Variants in SMARCAL1 observed in about 807,000 individuals in gnomAD.
SMARCAL1 encodes the protein ATP-driven annealing helicase.
In SMARCAL1, 58 loss-of-function variants were observed where a neutral mutation model predicts 94.5. The observed-to-expected ratio is 0.61, with a 90% CI of 0.50 to 0.76. The LOEUF (loss-of-function observed/expected upper bound fraction) is 0.76, where lower values mean the gene tolerates loss of function less well. SMARCAL1 is among the 30% of genes least tolerant of loss of function. SMARCAL1 has a pLI of 0.00. For missense variants in SMARCAL1, 1,051 were observed against 1,177.9 expected, an observed-to-expected ratio of 0.89 and a Z score of 1.58; for synonymous variants, 422 against 455.1, an observed-to-expected ratio of 0.93 and a Z score of 0.93.
chr2:216,459,395 G>T (rs7421080), intron 12 of SMARCAL1, among the ~76,000 whole-genome samples: 62,654 of 151,864 alleles, frequency 0.41, 14,437 homozygotes, highest in African/African-American at 0.63. Context: ...TAAGCCAAAA[G>T]AACAAAGCTG....
rs768898834 is a variant in SMARCAL1 at position 216,416,278 on chromosome 2, A to G, written c.833A>G (p.Asn278Ser). ...TCAGATCCTGACACCAAGACGTGGA[A>G]CTTCAGCATGAATGACTATAGTGCC... Reference protein sequence around the residue: ...KNYDPDTKTWNFSMNDYSALM... With the variant: ...KNYDPDTKTWSFSMNDYSALM... Residue 278 changes from asparagine to serine, a missense_variant, in exon 4 of 18, where the codon AAC becomes AGC. Physicochemically the swap from Asn to Ser is conservative, Grantham distance 46 (BLOSUM62 1). This residue lies in a region of SMARCAL1 where 398 missense variants were observed against 395.2 expected (regional missense o/e 1.01). Coordinates refer to ENST00000357276, the MANE Select transcript of SMARCAL1 (RefSeq NM_014140.4). 1 of 1,613,838 alleles carries G rather than the reference A, an allele frequency of 6.2e-7. No homozygotes were observed. The highest frequency in any genetic ancestry group is 1.1e-5 in the South Asian group (1 of 91,066).
At chr2:216,477,043 T>C in intron 15 of SMARCAL1, 66 bp from the exon 16 acceptor site, 2 of 1,308,216 alleles carry the variant, frequency 1.5e-6, no homozygotes, top group Non-Finnish European at 1.1e-6. Context: ...AGAGGAACCA[T>C]ACCTGCTATG....
In SMARCAL1 at chr2:216,421,483, A is replaced by G. The variant is rs374175138; in HGVS notation, c.1096+951A>G. On this transcript the variant is annotated intron_variant, in intron 5 of 17. Transcript: ENST00000357276. ...GGGCTAATTTTTGTATTTTTAGTAG[A>G]AGTAAGGTTTCATCATGTTGGCCAG... Among the ~76,000 whole-genome samples the G allele has an allele frequency of 7.9e-5, 12 of 152,106 alleles. No individual in the cohort carries two copies. In the South Asian group the frequency reaches 1.3e-3, roughly 16 times the overall value.
chr2:216,435,254 A>G, intron 8 of SMARCAL1, 84 bp from the exon 9 acceptor site: 1 of 1,426,444 alleles, frequency 7.0e-7, no homozygotes, highest in Non-Finnish European at 9.9e-7. Context: ...ATGGCTGTTG[A>G]TGGGCATGAG....
chr2:216,416,912 C>G (rs911122800), intron 4 of SMARCAL1, among the ~76,000 whole-genome samples: 6 of 152,222 alleles, frequency 3.9e-5, no homozygotes, highest in African/African-American at 1.4e-4. Context: ...CTGGTTACGT[C>G]CCTCTGTCTT....
chr2:216,443,383 A>AT, intron 10 of SMARCAL1, among the ~76,000 whole-genome samples: 1 of 151,910 alleles, frequency 6.6e-6, no homozygotes, highest in South Asian at 2.1e-4. Context: ...AAAAAAAAAA[A>AT]AAAGCTTGGA....
At chr2:216,471,597 A>G (rs1413690852) in intron 14 of SMARCAL1, among the ~76,000 whole-genome samples, 2 of 152,014 alleles carry the variant, frequency 1.3e-5, no homozygotes, top group African/African-American at 4.8e-5. Flanking sequence ...CTGGTGATCC[A>G]CCCACCTTGG....
intron 17 of SMARCAL1, among the ~76,000 whole-genome samples, chr2:216,481,339 G>A (rs1452452787): frequency 6.6e-6 from 1 of 151,164 alleles, no homozygotes; most frequent in Non-Finnish European, 1.5e-5. Context: ...AACTACAGGC[G>A]CATGCTGCCA....
At chr2:216,461,301 A>G (rs949441440) in intron 12 of SMARCAL1, among the ~76,000 whole-genome samples, 1 of 152,040 alleles carries the variant, frequency 6.6e-6, no homozygotes, top group Non-Finnish European at 1.5e-5. Flanking sequence ...CTTTTATACA[A>G]CCATAATTTT....
intron 12 of SMARCAL1, among the ~76,000 whole-genome samples, chr2:216,452,926 A>G (rs1032293339): frequency 3.9e-5 from 6 of 152,140 alleles, no homozygotes; most frequent in African/African-American, 1.4e-4. Context: ...GAATTTAGGA[A>G]TGTTGGGTGT....
intron 7 of SMARCAL1, among the ~76,000 whole-genome samples, chr2:216,430,538 T>C (rs1173999027): frequency 6.6e-6 from 1 of 152,236 alleles, no homozygotes; most frequent in Non-Finnish European, 1.5e-5. Flanking sequence ...TGTATTCAAC[T>C]GCCCTGTGGA....
chr2:216,423,802 G>T, intron 6 of SMARCAL1, 119 bp downstream of exon 6: 1 of 891,798 alleles, frequency 1.1e-6, no homozygotes, highest in Non-Finnish European at 1.8e-6. Context: ...GGATGCTTGA[G>T]TACAGGGTAA....
intron 7 of SMARCAL1, among the ~76,000 whole-genome samples, chr2:216,431,137 C>T (rs943965785): frequency 1.1e-4 from 17 of 152,254 alleles, no homozygotes; most frequent in African/African-American, 3.9e-4. Flanking sequence ...CCTGTTGTCC[C>T]CACACTCTAC....
chr2:216,469,957 C>T (rs959193477), intron 14 of SMARCAL1, among the ~76,000 whole-genome samples: 1 of 152,150 alleles, frequency 6.6e-6, no homozygotes, highest in Non-Finnish European at 1.5e-5. Flanking sequence ...CTCTAATTTG[C>T]ATTTCCCTGA....
chr2:216,470,397 C>T (rs772253204), intron 14 of SMARCAL1, among the ~76,000 whole-genome samples: 7 of 152,066 alleles, frequency 4.6e-5, no homozygotes, highest in Non-Finnish European at 1.0e-4. Context: ...TCAAGTGATC[C>T]ACCTGCTTCA....
intron 12 of SMARCAL1, among the ~76,000 whole-genome samples, chr2:216,461,411 A>G (rs1694699324): frequency 6.6e-6 from 1 of 152,002 alleles, no homozygotes; most frequent in South Asian, 2.1e-4. Flanking sequence ...AAAATATTAT[A>G]TATGCAATAA....
intron 9 of SMARCAL1, among the ~76,000 whole-genome samples, chr2:216,435,836 C>T (rs1421451658): frequency 6.6e-6 from 1 of 152,174 alleles, no homozygotes; most frequent in African/African-American, 2.4e-5. Context: ...GGTACTACAA[C>T]CTGGACGGCA....
chr2:216,429,466 A>G (rs1311037556), intron 7 of SMARCAL1, among the ~76,000 whole-genome samples: 1 of 152,196 alleles, frequency 6.6e-6, no homozygotes, highest in Non-Finnish European at 1.5e-5. Context: ...CTACATCCTG[A>G]TCTTTCCTTT....
At chr2:216,425,835 A>G (rs1462582160) in intron 6 of SMARCAL1, among the ~76,000 whole-genome samples, 1 of 152,176 alleles carries the variant, frequency 6.6e-6, no homozygotes, top group East Asian at 1.9e-4. Flanking sequence ...TCGATTGGCT[A>G]AAAGGCATTG....
Sources: allele counts gnomAD v4.1 joint callset (sites outside exome capture counted in the v4.1 genomes callset), GRCh38; gene constraint gnomAD v4.1.1; regional missense constraint gnomAD v4.1.1; transcripts MANE v1.5; gene names NCBI Gene and HGNC (gene_info 2026-07-23, HGNC 2026-07-21).